PDE4B: variants seen among roughly 807,000 people sequenced by gnomAD.
PDE4B encodes the protein 3',5'-cyclic-AMP phosphodiesterase 4B.
A neutral mutation model predicts 82.2 loss-of-function variants in PDE4B; 20 were observed. That is an observed-to-expected ratio of 0.24 (90% CI 0.17 to 0.35). The LOEUF is 0.35. Among genes scored for constraint, PDE4B ranks in the 10% least tolerant of loss-of-function variants. The probability of loss-of-function intolerance (pLI) is 1.00; values close to 1 mark genes in which losing one functional copy is unlikely to be tolerated. For missense variants in PDE4B, 655 were observed against 907.2 expected, an observed-to-expected ratio of 0.72 and a Z score of 3.57; for synonymous variants, 320 against 318.9, an observed-to-expected ratio of 1.00 and a Z score of -0.04.
chr1:65,956,515 G>A lies in PDE4B; in HGVS notation c.281+37680G>A, dbSNP rs555528248. On this transcript the variant is annotated intron_variant, in intron 3 of 16. Transcript: ENST00000341517. ...ACAACTATTATATACTGTTTTAGAT[G>A]TAGATATAGAAAGAAGTATAGATAT... is the stretch of plus-strand genomic sequence containing the variant. Among the ~76,000 whole-genome samples, 8 of 152,216 alleles carry A rather than the reference G, an allele frequency of 5.3e-5. No individual in the cohort carries two copies. In the South Asian group the frequency reaches 6.2e-4, roughly 12 times the overall value.
At chr1:65,962,696 C>G (rs552288403) in intron 3 of PDE4B, among the ~76,000 whole-genome samples, 22 of 152,086 alleles carry the variant, frequency 1.4e-4, no homozygotes, top group Non-Finnish European at 2.8e-4. Flanking sequence ...TATGAAACCT[C>G]GGAGAGAAAT....
chr1:65,940,642 GAGAAA>G (rs980043954), intron 3 of PDE4B, among the ~76,000 whole-genome samples: 2 of 152,076 alleles, frequency 1.3e-5, no homozygotes, highest in Non-Finnish European at 2.9e-5. Flanking sequence ...GTAGAGGTCT[GAGAAA>G]AGAAGTCTTC....
chr1:66,266,565 C>T (rs536871145), intron 7 of PDE4B: 4 of 387,790 alleles, frequency 1.0e-5, no homozygotes, highest in South Asian at 6.0e-5. Context: ...AAGGCTCTTT[C>T]CAGGTCACGA....
intron 1 of PDE4B, among the ~76,000 whole-genome samples, chr1:65,851,018 G>T (rs1646326363): frequency 6.6e-6 from 1 of 152,116 alleles, no homozygotes; most frequent in Non-Finnish European, 1.5e-5. Context: ...GTGAATATGA[G>T]TCCTCCCCTT....
intron 3 of PDE4B, among the ~76,000 whole-genome samples, chr1:66,026,043 T>A (rs975837492): frequency 6.6e-6 from 1 of 152,240 alleles, no homozygotes; most frequent in Non-Finnish European, 1.5e-5. Flanking sequence ...TTCTTGATCC[T>A]TAGACTTACA....
At chr1:66,302,363 T>A (rs1657957353) in intron 7 of PDE4B, among the ~76,000 whole-genome samples, 1 of 152,208 alleles carries the variant, frequency 6.6e-6, no homozygotes, top group South Asian at 2.1e-4. Context: ...GCTGTCTTGT[T>A]ATGTGGCTTG....
At chr1:66,069,431 T>C (rs1386208031) in intron 3 of PDE4B, among the ~76,000 whole-genome samples, 1 of 152,050 alleles carries the variant, frequency 6.6e-6, no homozygotes, top group Non-Finnish European at 1.5e-5. Context: ...GAATTGATTA[T>C]CATAACATTA....
chr1:66,355,416 T>C (rs961684872), intron 8 of PDE4B, 111 bp from the exon 9 acceptor site: 120 of 549,892 alleles, frequency 2.2e-4, no homozygotes, highest in African/African-American at 2.2e-3. Flanking sequence ...ATTTATCTAA[T>C]GGTATCTGCT....
chr1:65,911,043 T>G (rs1647084798), intron 1 of PDE4B, among the ~76,000 whole-genome samples: 1 of 152,204 alleles, frequency 6.6e-6, no homozygotes. Context: ...TGATCCTGCT[T>G]TTTCCGAGTC....
intron 3 of PDE4B, among the ~76,000 whole-genome samples, chr1:66,081,685 A>G (rs1405798234): frequency 6.6e-6 from 1 of 152,092 alleles, no homozygotes; most frequent in Non-Finnish European, 1.5e-5. Context: ...TGTCCAGCCT[A>G]TAGTAGTAGT....
chr1:66,215,102 C>A (rs114444463), intron 3 of PDE4B, among the ~76,000 whole-genome samples: 32 of 152,146 alleles, frequency 2.1e-4, no homozygotes, highest in African/African-American at 7.7e-4. Flanking sequence ...TTTTGACAGG[C>A]AGACAGAGCC....
chr1:65,918,364 A>G (rs921404861), intron 2 of PDE4B, among the ~76,000 whole-genome samples: 2 of 152,214 alleles, frequency 1.3e-5, no homozygotes, highest in Non-Finnish European at 2.9e-5. Context: ...CATTATCTAT[A>G]TGCCTAAAAA....
At chr1:65,893,978 C>T (rs1646880509) in intron 1 of PDE4B, among the ~76,000 whole-genome samples, 1 of 151,926 alleles carries the variant, frequency 6.6e-6, no homozygotes. Context: ...ATATAATGGA[C>T]TTTGGGTACT....
chr1:66,279,750 A>G (rs1222413717), intron 7 of PDE4B, among the ~76,000 whole-genome samples: 3 of 152,238 alleles, frequency 2.0e-5, no homozygotes, highest in Non-Finnish European at 4.4e-5. Flanking sequence ...CTTGAAATCT[A>G]TAGAGCAGAA....
intron 3 of PDE4B, among the ~76,000 whole-genome samples, chr1:66,053,904 A>G (rs114948530): frequency 6.6e-6 from 1 of 152,100 alleles, no homozygotes; most frequent in Admixed American, 6.6e-5. Context: ...ATGCAGCCTA[A>G]GTAGGATGAC....
intron 7 of PDE4B, among the ~76,000 whole-genome samples, chr1:66,275,406 G>A (rs1377014866): frequency 6.6e-6 from 1 of 152,176 alleles, no homozygotes; most frequent in East Asian, 1.9e-4. Context: ...AGAGTCTGCA[G>A]GAAGGGAAGA....
At chr1:66,141,164 A>G (rs571570152) in intron 3 of PDE4B, among the ~76,000 whole-genome samples, 66 of 151,798 alleles carry the variant, frequency 4.3e-4, no homozygotes, top group Non-Finnish European at 7.9e-4. Context: ...ACATTTATTG[A>G]GCTCTTACTG....
rs553518400 is a variant in PDE4B at position 66,253,928 on chromosome 1, G to T, written c.477-3719G>T. Reference sequence around the variant, plus strand: ...ACTTCAAAAGTTCCATAATGATAAAGTCATGTTGACATTATGCCCTATTAA... The same window carrying T: ...ACTTCAAAAGTTCCATAATGATAAATTCATGTTGACATTATGCCCTATTAA... On this transcript the variant is annotated intron_variant, in intron 4 of 16. Transcript: ENST00000341517. 7.9e-5 allele frequency among the ~76,000 whole-genome samples: 12 copies of T among 152,290 alleles called. No homozygotes were observed. The South Asian group carries it at 2.5e-3, about 32-fold the overall frequency.
At chr1:66,042,888 T>G (rs993489888) in intron 3 of PDE4B, among the ~76,000 whole-genome samples, 8 of 151,826 alleles carry the variant, frequency 5.3e-5, no homozygotes, top group Non-Finnish European at 1.2e-4. Context: ...GTAATATAAG[T>G]CCAGTAAGCC....
Sources: gnomAD v4.1 joint callset for allele counts (sites outside exome capture counted in the v4.1 genomes callset) on GRCh38, gnomAD v4.1.1 for gene constraint, MANE v1.5 for transcripts, NCBI Gene and HGNC (gene_info 2026-07-23, HGNC 2026-07-21) for gene names.